The following KCNB2 variants were observed in gnomAD, a reference collection of about 807,000 sequenced individuals.
KCNB2 encodes delayed rectifier potassium channel protein.
In KCNB2, 15 loss-of-function variants were observed where a neutral mutation model predicts 61.5. That is an observed-to-expected ratio of 0.24 (90% CI 0.16 to 0.38). The LOEUF is 0.38. Ranked by LOEUF, KCNB2 falls within the 10% of genes least tolerant of loss-of-function variation. The pLI is 1.00. For synonymous variants in KCNB2, 457 were observed against 446.0 expected (o/e 1.02, Z -0.31); for missense variants, 828 against 1,125.2 (o/e 0.74, Z 3.78).
chr8:72,678,481 A>G lies in KCNB2; in HGVS notation c.579+110168A>G, dbSNP rs569895494. 4.4e-5 allele frequency among the ~76,000 whole-genome samples: 4 copies of G among 91,568 alleles called. No individual in the cohort carries two copies. The South Asian group carries it at 1.2e-3, about 28-fold the overall frequency. The allele number at this position is 91,568 out of a possible 152,430, so 60.1% of individuals were successfully genotyped here. A position where few individuals can be genotyped will look rare whatever the true frequency, so the allele number is the denominator to read the frequency against. ...CCCCCGACCTCCGCCCAAGCATTCT[A>G]GAAAAGCATGATTCTAGCTCAGGGC... On this transcript the variant is annotated intron_variant, in intron 2 of 2. Transcript: ENST00000523207.
At chr8:72,618,687 C>CT (rs1805659677) in intron 2 of KCNB2, 1 of 160,156 alleles carries the variant, frequency 6.2e-6, no homozygotes. Context: ...ATTCAATTTA[C>CT]TTTTTTAAGG....
At chr8:72,709,128 C>T (rs1475348784) in intron 2 of KCNB2, among the ~76,000 whole-genome samples, 1 of 152,130 alleles carries the variant, frequency 6.6e-6, no homozygotes, top group African/African-American at 2.4e-5. Context: ...TTTCATCAAG[C>T]AGCCAGCTGT....
intron 2 of KCNB2, among the ~76,000 whole-genome samples, chr8:72,693,353 A>C (rs1806969032): frequency 6.6e-6 from 1 of 152,278 alleles, no homozygotes; most frequent in South Asian, 2.1e-4. Context: ...CTTTTGCAAA[A>C]GCACTCCTGT....
At chr8:72,669,568 C>A (rs2119257) in intron 2 of KCNB2, among the ~76,000 whole-genome samples, 18,355 of 152,116 alleles carry the variant, frequency 0.12, 1,603 homozygotes, top group East Asian at 0.51. Flanking sequence ...AAAAAAAACC[C>A]TCTAATTGCC....
chr8:72,725,249 T>A (rs145014685), intron 2 of KCNB2, among the ~76,000 whole-genome samples: 2 of 152,082 alleles, frequency 1.3e-5, no homozygotes, highest in Admixed American at 1.3e-4. Context: ...TGCACATATT[T>A]TATTTCCTTT....
intron 2 of KCNB2, among the ~76,000 whole-genome samples, chr8:72,688,002 C>T (rs1401061183): frequency 2.6e-5 from 4 of 152,260 alleles, no homozygotes; most frequent in Non-Finnish European, 4.4e-5. Context: ...AGACCAGAGG[C>T]CGAATCTCCT....
intron 2 of KCNB2, among the ~76,000 whole-genome samples, chr8:72,724,183 A>G (rs1451713304): frequency 3.9e-5 from 6 of 152,124 alleles, no homozygotes; most frequent in African/African-American, 1.4e-4. Flanking sequence ...TTCCTTGAGG[A>G]TATCACGTGT....
intron 2 of KCNB2, among the ~76,000 whole-genome samples, chr8:72,725,830 A>T (rs1186789198): frequency 6.6e-6 from 1 of 151,798 alleles, no homozygotes; most frequent in Admixed American, 6.6e-5. Flanking sequence ...ACACTAAATT[A>T]ATTTTGAATG....
chr8:72,685,974 A>C lies in KCNB2; in HGVS notation c.579+117661A>C, dbSNP rs1806844670. 2.6e-5 allele frequency among the ~76,000 whole-genome samples: 4 copies of C among 152,162 alleles called. 1 individual carries two copies. In the South Asian group the frequency reaches 6.2e-4, roughly 24 times the overall value. Reference sequence around the variant, plus strand: ...ATTGCACTCCAGCCTGGGCAACAAGAGTGAAACTCTGTCTCAAAAAAGAAA... The same window carrying C: ...ATTGCACTCCAGCCTGGGCAACAAGCGTGAAACTCTGTCTCAAAAAAGAAA... On this transcript the variant is annotated intron_variant, in intron 2 of 2. Coordinates refer to ENST00000523207, the MANE Select transcript of KCNB2 (RefSeq NM_004770.3).
intron 2 of KCNB2, among the ~76,000 whole-genome samples, chr8:72,697,684 G>A (rs1807039899): frequency 6.6e-6 from 1 of 151,978 alleles, no homozygotes; most frequent in African/African-American, 2.4e-5. Context: ...AATAAATAGG[G>A]TCCACTATTC....
chr8:72,825,642 G>A (rs2033917), intron 2 of KCNB2, among the ~76,000 whole-genome samples: 124,054 of 152,180 alleles, frequency 0.82, 51,352 homozygotes, highest in African/African-American at 0.95. Flanking sequence ...TTCCCTGATG[G>A]CTAATGATGG....
At chr8:72,921,715 A>G (rs1205194298) in intron 2 of KCNB2, among the ~76,000 whole-genome samples, 1 of 152,250 alleles carries the variant, frequency 6.6e-6, no homozygotes, top group Non-Finnish European at 1.5e-5. Flanking sequence ...AGCTTCTGGG[A>G]CCACATGTTC....
At chr8:72,708,898 C>G (rs940221884) in intron 2 of KCNB2, among the ~76,000 whole-genome samples, 43 of 152,252 alleles carry the variant, frequency 2.8e-4, no homozygotes, top group Admixed American at 2.1e-3. Context: ...TTATCTGCAG[C>G]CTTAGTTACA....
At chr8:72,586,876 A>G (rs571962129) in intron 2 of KCNB2, among the ~76,000 whole-genome samples, 2 of 152,326 alleles carry the variant, frequency 1.3e-5, no homozygotes, top group Non-Finnish European at 2.9e-5. Flanking sequence ...TTCCAGGGTC[A>G]TTTATTCAAT....
chr8:72,690,895 C>T (rs909989377), intron 2 of KCNB2, among the ~76,000 whole-genome samples: 4 of 152,136 alleles, frequency 2.6e-5, no homozygotes, highest in African/African-American at 7.2e-5. Context: ...TTTGCAGAAT[C>T]CTCTGGCTCC....
chr8:72,666,647 A>G (rs1806477792), intron 2 of KCNB2, among the ~76,000 whole-genome samples: 1 of 125,590 alleles, frequency 8.0e-6, no homozygotes, highest in East Asian at 2.6e-4. Flanking sequence ...AATAAAAAAT[A>G]AAAAGTTTTT....
chr8:72,889,687 A>C (rs1465953787), intron 2 of KCNB2, among the ~76,000 whole-genome samples: 1 of 152,188 alleles, frequency 6.6e-6, no homozygotes, highest in Non-Finnish European at 1.5e-5. Flanking sequence ...CCTGTCTCAA[A>C]AGAAAAAAAG....
At chr8:72,674,276 A>G (rs1806614415) in intron 2 of KCNB2, among the ~76,000 whole-genome samples, 1 of 152,234 alleles carries the variant, frequency 6.6e-6, no homozygotes, top group Non-Finnish European at 1.5e-5. Flanking sequence ...AGTATTAAAC[A>G]TCTTGGAGTT....
chr8:72,773,950 GA>G (rs1462889614), intron 2 of KCNB2, among the ~76,000 whole-genome samples: 4 of 152,116 alleles, frequency 2.6e-5, no homozygotes, highest in Non-Finnish European at 5.9e-5. Flanking sequence ...TTCTTAAAAA[GA>G]GTATCATTCA....
Sources: gnomAD v4.1 joint callset for allele counts (sites outside exome capture counted in the v4.1 genomes callset) on GRCh38, gnomAD v4.1.1 for gene constraint, MANE v1.5 for transcripts, NCBI Gene and HGNC (gene_info 2026-07-23, HGNC 2026-07-21) for gene names.